Variants in PAWR observed in about 807,000 individuals in gnomAD.
PAWR encodes pro-apoptotic WT1 regulator, also known as PRKC apoptosis WT1 regulator protein.
Under a neutral mutation model 32.0 loss-of-function variants are expected in PAWR, and 23 were observed. The observed-to-expected ratio is 0.72, with a 90% CI of 0.52 to 1.02. The LOEUF is 1.02. Among genes scored for constraint, PAWR ranks in the 50% least tolerant of loss-of-function variants. PAWR has a pLI of 0.00. For missense variants in PAWR, 457 were observed against 437.7 expected (o/e 1.04, Z -0.39); for synonymous variants, 226 against 187.1 (o/e 1.21, Z -1.70).
At chr12:79,621,325 T>C (rs1875002678) in intron 2 of PAWR, 118 bp from the exon 3 acceptor site, 1 of 746,578 alleles carries the variant, frequency 1.3e-6, no homozygotes, top group Non-Finnish European at 2.1e-6. Context: ...TTAGTTTGCA[T>C]AATAAAAGTA....
intron 4 of PAWR, among the ~76,000 whole-genome samples, chr12:79,606,603 C>T (rs543902462): frequency 1.3e-5 from 2 of 151,810 alleles, no homozygotes; most frequent in East Asian, 1.9e-4. Context: ...AGTTACTTTT[C>T]GGGAAAAAAT....
chr12:79,676,857 C>T (rs967864492), intron 2 of PAWR, among the ~76,000 whole-genome samples: 2 of 152,140 alleles, frequency 1.3e-5, no homozygotes, highest in African/African-American at 2.4e-5. Context: ...TCTTATCAGT[C>T]CTTCAAGATT....
chr12:79,621,870 A>G (rs1005585647), intron 2 of PAWR, among the ~76,000 whole-genome samples: 2 of 152,212 alleles, frequency 1.3e-5, no homozygotes, highest in African/African-American at 4.8e-5. Flanking sequence ...TCTACATAAG[A>G]AAAACAAAAT....
chr12:79,588,076 C>G lies in PAWR; in HGVS notation c.*4531G>C, dbSNP rs909367909. 6.6e-6 allele frequency: 1 copy of G among 151,928 alleles called. No individual in the cohort carries two copies. The highest frequency in any genetic ancestry group is 2.4e-5 in the African/African-American group (1 of 41,412). The allele number at this position is 151,928 out of a possible 1,614,324, so 9.4% of individuals were successfully genotyped here. On this transcript the variant is annotated 3_prime_UTR_variant, in exon 7 of 7. Coordinates refer to ENST00000328827, the MANE Select transcript of PAWR (RefSeq NM_002583.4). ...GAAGAAAAACATAAGAATAAAAACC[C>G]TGAATAGCATAGCCAAATCTTCCAA...
intron 2 of PAWR, among the ~76,000 whole-genome samples, chr12:79,682,237 G>A (rs1273334143): frequency 1.3e-5 from 2 of 151,888 alleles, no homozygotes; most frequent in South Asian, 2.1e-4. Flanking sequence ...CTGCAGGCTC[G>A]ACCTCCTGGG....
At chr12:79,666,795 A>G (rs1877627399) in intron 2 of PAWR, among the ~76,000 whole-genome samples, 2 of 152,234 alleles carry the variant, frequency 1.3e-5, no homozygotes, top group South Asian at 4.1e-4. Flanking sequence ...TTAATTTCTA[A>G]AAAAGTAAAT....
intron 3 of PAWR, among the ~76,000 whole-genome samples, chr12:79,616,977 A>G (rs1353446132): frequency 2.6e-5 from 4 of 152,222 alleles, no homozygotes; most frequent in African/African-American, 9.6e-5. Flanking sequence ...CACACAGACG[A>G]CACGAGTTTA....
chr12:79,594,464 G>A, intron 5 of PAWR, 31 bp from the exon 6 acceptor site: 1 of 1,012,500 alleles, frequency 9.9e-7, no homozygotes, highest in Non-Finnish European at 1.5e-6. Context: ...CCAGTAATTA[G>A]GAAGTAATTG....
rs1873402771 is a variant in PAWR, at chr12:79,587,030, C to CAA, written c.*5576_*5577insTT. 6.6e-6 allele frequency: 1 copy of CAA among 152,024 alleles called. No homozygotes were observed. Among genetic ancestry groups the CAA allele is most frequent in the Non-Finnish European group, 1.5e-5 (1 of 67,958 alleles). 9.4% of individuals were successfully genotyped at this position (152,024 alleles called of 1,614,324 possible). ...ATTAAGAAAATATGTGGGTAGTTTACAGCTGCTGATAGAATTGTGTGCACG... is the reference window on the plus strand; with the variant it reads ...ATTAAGAAAATATGTGGGTAGTTTACAAAGCTGCTGATAGAATTGTGTGCACG... On this transcript the variant is annotated 3_prime_UTR_variant, in exon 7 of 7. Coordinates refer to ENST00000328827, the MANE Select transcript of PAWR (RefSeq NM_002583.4).
At chr12:79,654,417 T>A (rs1381497335) in intron 2 of PAWR, among the ~76,000 whole-genome samples, 1 of 120,258 alleles carries the variant, frequency 8.3e-6, no homozygotes, top group Middle Eastern at 3.5e-3. Flanking sequence ...GTTCAAAAGA[T>A]AGCTTTTTTT....
Position 79,629,035 on chromosome 12 carries a change from C to T in PAWR, c.517-7828G>A, listed in dbSNP as rs150372795. On this transcript the variant is annotated intron_variant, in intron 2 of 6. Coordinates refer to ENST00000328827, the MANE Select transcript of PAWR (RefSeq NM_002583.4). The stretch of plus-strand genomic sequence containing the variant: ...GCCAATCAAAGAGCTTTTTAGGCAA[C>T]GCTAAAGATAAAATTGAATGATTAA... 4.4e-3 allele frequency among the ~76,000 whole-genome samples: 664 copies of T among 151,698 alleles called. 6 individuals carry two copies. The highest frequency in any genetic ancestry group is 0.015 in the African/African-American group (630 of 41,358).
intron 2 of PAWR, among the ~76,000 whole-genome samples, chr12:79,674,387 AT>A (rs1193404998): frequency 3.2e-4 from 47 of 148,958 alleles, no homozygotes; most frequent in African/African-American, 1.0e-3. Flanking sequence ...TTTTCACCAG[AT>A]AAAAAAAAAA....
At chr12:79,625,589 AG>A (rs1566007572) in intron 2 of PAWR, among the ~76,000 whole-genome samples, 1 of 152,024 alleles carries the variant, frequency 6.6e-6, no homozygotes, top group African/African-American at 2.4e-5. Flanking sequence ...TGGGAGGCCA[AG>A]GCGGGCAGAT....
intron 2 of PAWR, among the ~76,000 whole-genome samples, chr12:79,687,202 C>T (rs1878722593): frequency 6.6e-6 from 1 of 152,136 alleles, no homozygotes; most frequent in African/African-American, 2.4e-5. Context: ...CAGTAACCAC[C>T]CAGTTTCCTA....
At chr12:79,621,266 A>G (rs920023662) in intron 2 of PAWR, 59 bp from the exon 3 acceptor site, 1 of 1,248,874 alleles carries the variant, frequency 8.0e-7, no homozygotes, top group Non-Finnish European at 1.1e-6. Flanking sequence ...TTTCGATAAT[A>G]TGTGAAAATA....
At chr12:79,616,839 C>G (rs572350551) in intron 3 of PAWR, among the ~76,000 whole-genome samples, 1 of 152,022 alleles carries the variant, frequency 6.6e-6, no homozygotes, top group East Asian at 1.9e-4. Flanking sequence ...TACGTTGGTA[C>G]GAAAAGTAAT....
At chr12:79,625,139 C>T (rs1300636164) in intron 2 of PAWR, among the ~76,000 whole-genome samples, 1 of 152,024 alleles carries the variant, frequency 6.6e-6, no homozygotes, top group Non-Finnish European at 1.5e-5. Context: ...AGCAGCAGTT[C>T]CTATGGTTAA....
intron 2 of PAWR, among the ~76,000 whole-genome samples, chr12:79,626,810 A>G (rs1185462132): frequency 6.6e-6 from 1 of 151,664 alleles, no homozygotes; most frequent in East Asian, 1.9e-4. Context: ...TCATTGTTCA[A>G]TTCCCACCTA....
chr12:79,608,916 G>T (rs1005977254), intron 4 of PAWR, among the ~76,000 whole-genome samples: 1 of 152,026 alleles, frequency 6.6e-6, no homozygotes, highest in Non-Finnish European at 1.5e-5. Flanking sequence ...ATGGTGGCAG[G>T]TGCCTTTAAT....
Sources: gnomAD v4.1 joint callset for allele counts (sites outside exome capture counted in the v4.1 genomes callset) on GRCh38, gnomAD v4.1.1 for gene constraint, MANE v1.5 for transcripts, NCBI Gene and HGNC (gene_info 2026-07-23, HGNC 2026-07-21) for gene names.